Variants in FLNA observed in about 807,000 individuals in gnomAD.
FLNA encodes filamin-A.
Under a neutral mutation model 157.6 loss-of-function variants are expected in FLNA, and 7 were observed. That is an observed-to-expected ratio of 0.04 (90% CI 0.03 to 0.08). The LOEUF is 0.08. FLNA is among the 10% of genes least tolerant of loss of function. FLNA has a pLI of 1.00. For synonymous variants in FLNA, 1,103 were observed against 1,060.8 expected (o/e 1.04, Z -0.77); for missense variants, 1,750 against 2,398.4 (o/e 0.73, Z 5.65).
chrX:154,350,351 C>G, intron 44 of FLNA, 144 bp from the exon 45 acceptor site: 1 of 516,677 alleles, frequency 1.9e-6, no homozygotes, highest in South Asian at 2.8e-5. Context: ...ACCTGCACCC[C>G]GCAGCAGACC....
chrX:154,359,707 G>C, intron 23 of FLNA, 25 bp downstream of exon 23: 1 of 1,210,316 alleles, frequency 8.3e-7, no homozygotes, highest in Non-Finnish European at 1.1e-6. Flanking sequence ...CCGTCTGCCA[G>C]CCTGTGGGAG....
chrX:154,362,589 G>A lies in FLNA; in HGVS notation c.2405-11C>T, dbSNP rs2148114559. ...CGATGCTGACGTCCCCTGCGGCGGG[G>A]AGAGGAGCGGAGGCTGAGACCTCGC... On this transcript the variant is annotated splice_polypyrimidine_tract_variant and intron_variant, in intron 16 of 47. Transcript: ENST00000369850. 4 of 1,209,350 alleles carry A rather than the reference G, an allele frequency of 3.3e-6. No individual in the cohort carries two copies. The highest frequency in any genetic ancestry group is 4.6e-4 in the Middle Eastern group (2 of 4,332).
In FLNA at chrX:154,359,255, G is replaced by T. The variant is rs192337215; in HGVS notation, c.4294C>A (p.Gln1432Lys). ...GCCGCCACCTCCTCACCTGGCACTT[G>T]ATGGCCACCATAGGTGACGTTGAGG... ...YSLNVTYGGH[Q>K]VPGSPFKVPV... Residue 1432 changes from glutamine to lysine, a missense_variant, in exon 25 of 48, where the codon CAA becomes AAA. Physicochemically the swap from Gln to Lys is moderately conservative, Grantham distance 53. Around this residue, in one of 5 missense-constraint regions of FLNA, gnomAD observed 970 missense variants for 1,302.6 expected, o/e 0.74. Coordinates refer to ENST00000369850, the MANE Select transcript of FLNA (RefSeq NM_001110556.2). 3 of 1,210,255 alleles carry T rather than the reference G, an allele frequency of 2.5e-6. No homozygotes were observed. In the Admixed American group the frequency reaches 6.5e-5, roughly 26 times the overall value.
rs2067683151 is a variant in FLNA, at chrX:154,359,003, G to A, written c.4455C>T (p.Val1485=). Residue 1485 remains valine (V), a synonymous_variant, in exon 26 of 48, where the codon GTC becomes GTT. Coordinates refer to ENST00000369850, the MANE Select transcript of FLNA (RefSeq NM_001110556.2). ...TSKAGVAPLQ[V]KVQGPKGLVE... ...ACTCACCTTTGGGCCCTTGCACTTTGACCTGCAATGGGGCCACACCAGCCT... is the reference window on the plus strand; with the variant it reads ...ACTCACCTTTGGGCCCTTGCACTTTAACCTGCAATGGGGCCACACCAGCCT... 3 of 1,209,848 alleles carry A rather than the reference G, an allele frequency of 2.5e-6. No homozygotes were observed. The Admixed American group carries it at 6.5e-5, about 26-fold the overall frequency.
chrX:154,361,382 C>T lies in FLNA; in HGVS notation c.3133G>A (p.Val1045Met). 1 of 1,210,579 alleles carries T rather than the reference C, an allele frequency of 8.3e-7. No individual in the cohort carries two copies. The highest frequency in any genetic ancestry group is 1.1e-6 in the Non-Finnish European group (1 of 895,213). The stretch of plus-strand genomic sequence containing the variant: ...GGCACGGGCACGCCGTCATAGGTCA[C>T]CTCCACCTCATAGGGCCCTTCCTCA... ...PREEGPYEVEVTYDGVPVPGS... is the reference protein window; with the variant it reads ...PREEGPYEVEMTYDGVPVPGS... The change falls in exon 21 of 48, where the codon GTG becomes ATG. Residue 1045 changes from valine to methionine, a missense_variant. Coordinates refer to ENST00000369850, the MANE Select transcript of FLNA (RefSeq NM_001110556.2).
chrX:154,349,589 TAA>T (rs782062704), intron 46 of FLNA, 24 bp from the exon 47 acceptor site: 40 of 1,209,454 alleles, frequency 3.3e-5, no homozygotes, highest in Admixed American at 1.1e-4. Context: ...TGGGTGGGGC[TAA>T]GAGGTGGCTG....
rs2148107395 is a variant in FLNA at position 154,354,872 on chromosome X, C to T, written c.5170G>A (p.Val1724Met). The T allele has an allele frequency of 8.3e-7, 1 of 1,212,108 alleles. No individual in the cohort carries two copies. The highest frequency in any genetic ancestry group is 1.1e-6 in the Non-Finnish European group (1 of 895,667). Residue 1724 changes from valine to methionine, a missense_variant, in exon 31 of 48, where the codon GTG becomes ATG. Coordinates refer to ENST00000369850, the MANE Select transcript of FLNA (RefSeq NM_001110556.2). The stretch of plus-strand genomic sequence containing the variant: ...GGCACGTGCTCGCCACCAAAGCGCA[C>T]ACAGATGACGTATTTGCCCGGCTGG... ...APQPGKYVICVRFGGEHVPNS... is the reference protein window; with the variant it reads ...APQPGKYVICMRFGGEHVPNS...
At chrX:154,355,200 T>A in intron 30 of FLNA, 128 bp from the exon 31 acceptor site, 2 of 722,246 alleles carry the variant, frequency 2.8e-6, no homozygotes, top group Non-Finnish European at 4.0e-6. Context: ...CCGCCAGGCC[T>A]CCTGCCCCGC....
At position 154,363,415 on chromosome X, in the gene FLNA, C is replaced by CT. The variant is rs1259708475; in HGVS notation, c.2280+606dup. Among the ~76,000 whole-genome samples the CT allele has an allele frequency of 4.8e-5, 5 of 104,861 alleles. No homozygotes were observed. The East Asian group carries it at 8.8e-4, about 19-fold the overall frequency. The allele number at this position is 104,861 out of a possible 115,157, so 91.1% of individuals were successfully genotyped here. On this transcript the variant is annotated intron_variant, in intron 15 of 47. Coordinates refer to ENST00000369850, the MANE Select transcript of FLNA (RefSeq NM_001110556.2). ...CCTGGCAATAAGAGCAAAACTCCGG[C>CT]TCAAAAAAAAAAAACCAGGATGGGC...
intron 19 of FLNA, 70 bp downstream of exon 19, chrX:154,361,909 C>G: frequency 8.7e-7 from 1 of 1,149,938 alleles, no homozygotes; most frequent in Non-Finnish European, 1.2e-6. Context: ...GAAAGTCCCT[C>G]GGAGCTGTCC....
chrX:154,356,163 G>A (rs868955710), intron 30 of FLNA, among the ~76,000 whole-genome samples: 4 of 111,935 alleles, frequency 3.6e-5, no homozygotes, highest in African/African-American at 6.5e-5. Context: ...GTACCCGACT[G>A]CCCCCACTTT....
At chrX:154,357,753 A>G (rs1210274079) in intron 28 of FLNA, 130 bp from the exon 29 acceptor site, 3 of 622,690 alleles carry the variant, frequency 4.8e-6, no homozygotes, top group South Asian at 2.4e-5. Flanking sequence ...CTTAACTGCT[A>G]TGGCCCAAAA....
rs781890253 is a variant in FLNA at position 154,359,421 on chromosome X, C to T, written c.4143-15G>A. 4.1e-6 allele frequency: 5 copies of T among 1,210,662 alleles called. No individual in the cohort carries two copies. Among genetic ancestry groups the T allele is most frequent in the African/African-American group, 1.7e-5 (1 of 57,618 alleles). On this transcript the variant is annotated splice_polypyrimidine_tract_variant and intron_variant, in intron 24 of 47. Coordinates refer to ENST00000369850, the MANE Select transcript of FLNA (RefSeq NM_001110556.2). ...TGCCAGCTCCCCTGGTCCAAACAGA[C>T]AGCCGGTCATTCCTGGGGTTCCCAG...
chrX:154,362,834 T>G, intron 15 of FLNA, 50 bp from the exon 16 acceptor site: 1 of 1,153,867 alleles, frequency 8.7e-7, no homozygotes, highest in Non-Finnish European at 1.2e-6. Context: ...TGGAGGAGAC[T>G]CAGAAGCTCC....
chrX:154,352,064 G>C (rs2067623993), intron 41 of FLNA, 43 bp from the exon 42 acceptor site: 1 of 1,209,389 alleles, frequency 8.3e-7, no homozygotes, highest in Admixed American at 2.2e-5. Flanking sequence ...TGCTTCACCA[G>C]CCTCGGCCCC....
chrX:154,362,252 G>A lies in FLNA; in HGVS notation c.2646C>T (p.Leu882=). ...GGTACCTGTCCTCACCAGTGCGACT[G>A]AGGCCAGGGCCCTCGGCCTTCACCT... The part of the protein sequence containing the change: ...ASKVKAEGPG[L]SRTGVELGKP... Residue 882 remains leucine (L), a synonymous_variant, in exon 18 of 48, where the codon CTC becomes CTT. Coordinates refer to ENST00000369850, the MANE Select transcript of FLNA (RefSeq NM_001110556.2). 8.3e-7 allele frequency: 1 copy of A among 1,211,221 alleles called. No individual in the cohort carries two copies. Among genetic ancestry groups the A allele is most frequent in the African/African-American group, 1.7e-5 (1 of 57,914 alleles).
rs2067593146 is a variant in FLNA at position 154,348,746 on chromosome X, G to A, written c.*103C>T. On this transcript the variant is annotated 3_prime_UTR_variant, in exon 48 of 48. Coordinates refer to ENST00000369850, the MANE Select transcript of FLNA (RefSeq NM_001110556.2). ...AGGGCAGGGGCGGCTGCAGTGACAG[G>A]CGGGCGGCCAGGGCGGCCTGGGCCG... The A allele has an allele frequency of 1.3e-6, 1 of 754,861 alleles. No homozygotes were observed. Among genetic ancestry groups the A allele is most frequent in the Non-Finnish European group, 1.9e-6 (1 of 532,224 alleles). The allele number at this position is 754,861 out of a possible 1,213,427, so 62.2% of individuals were successfully genotyped here.
chrX:154,354,746 G>T (rs937888904), intron 31 of FLNA, 35 bp from the exon 32 acceptor site: 1 of 1,208,970 alleles, frequency 8.3e-7, no homozygotes, highest in East Asian at 3.0e-5. Flanking sequence ...TGGAGAGTCT[G>T]TTGTCACAGA....
In FLNA at chrX:154,366,761, C is replaced by G. The variant is rs781889196; in HGVS notation, c.958G>C (p.Val320Leu). 2 of 1,209,869 alleles carry G rather than the reference C, an allele frequency of 1.7e-6. No individual in the cohort carries two copies. The highest frequency in any genetic ancestry group is 2.2e-6 in the Non-Finnish European group (2 of 894,527). ...SAGQGEVLVYVEDPAGHQEEA... is the reference protein window; with the variant it reads ...SAGQGEVLVYLEDPAGHQEEA... ...TCCTGGTGTCCGGCCGGGTCCTCCA[C>G]GTACACCAGCACCTCTCCCTGGCCA... is the stretch of plus-strand genomic sequence containing the variant. Residue 320 changes from valine (V) to leucine (L), a missense_variant, in exon 6 of 48, where the codon GTG becomes CTG. By Grantham distance (32) the Val-to-Leu change is conservative. This residue lies in a region of FLNA where 648 missense variants were observed against 805.8 expected (regional missense o/e 0.80). Coordinates refer to ENST00000369850, the MANE Select transcript of FLNA (RefSeq NM_001110556.2).
Sources: allele counts gnomAD v4.1 joint callset (sites outside exome capture counted in the v4.1 genomes callset), GRCh38; gene constraint gnomAD v4.1.1; regional missense constraint gnomAD v4.1.1; transcripts MANE v1.5; gene names NCBI Gene and HGNC (gene_info 2026-07-23, HGNC 2026-07-21).